DMXL2: variants seen among roughly 807,000 people sequenced by gnomAD.
DMXL2 encodes Dmx like 2, also known as dmX-like protein 2.
DMXL2 carries 103 observed loss-of-function variants against 331.1 expected under a neutral mutation model. That is an observed-to-expected ratio of 0.31 (90% CI 0.27 to 0.37). The LOEUF (loss-of-function observed/expected upper bound fraction) is 0.37, where lower values mean the gene tolerates loss of function less well. DMXL2 is among the 10% of genes least tolerant of loss of function. The probability of loss-of-function intolerance (pLI) is 1.00; values close to 1 mark genes in which losing one functional copy is unlikely to be tolerated. For synonymous variants in DMXL2, 1,281 were observed against 1,252.1 expected (o/e 1.02, Z -0.49); for missense variants, 3,171 against 3,642.9 (o/e 0.87, Z 3.33).
At chr15:51,451,554 C>T (rs1595866303) in intron 42 of DMXL2, 91 bp downstream of exon 42, 11 of 1,004,972 alleles carry the variant, frequency 1.1e-5, no homozygotes, top group East Asian at 1.0e-4. Context: ...TAAACACTCA[C>T]TGGATTCACT....
chr15:51,464,949 G>T, intron 31 of DMXL2, 73 bp from the exon 32 acceptor site: 2 of 1,285,468 alleles, frequency 1.6e-6, no homozygotes, highest in South Asian at 1.4e-5. Context: ...TATAGAATCT[G>T]AATTCTCAGA....
At chr15:51,602,070 G>C (rs1241458668) in intron 1 of DMXL2, among the ~76,000 whole-genome samples, 1 of 152,142 alleles carries the variant, frequency 6.6e-6, no homozygotes, top group Non-Finnish European at 1.5e-5. Context: ...AACATAAACA[G>C]AAAGCACAGA....
chr15:51,502,587 T>C (rs113319617), intron 17 of DMXL2, among the ~76,000 whole-genome samples: 2 of 152,140 alleles, frequency 1.3e-5, no homozygotes, highest in African/African-American at 4.8e-5. Flanking sequence ...CCTCCCAAAG[T>C]GCTGGGATTA....
intron 13 of DMXL2, among the ~76,000 whole-genome samples, chr15:51,529,132 A>G (rs1219471212): frequency 6.6e-6 from 1 of 152,158 alleles, no homozygotes; most frequent in African/African-American, 2.4e-5. Context: ...GGAAGTTTAT[A>G]GCTGTAAGTG....
chr15:51,577,429 A>T (rs150799043), intron 1 of DMXL2, among the ~76,000 whole-genome samples: 320 of 152,318 alleles, frequency 2.1e-3, no homozygotes, highest in African/African-American at 7.4e-3. Context: ...TCTTCAACCC[A>T]TGTGTTTATA....
chr15:51,449,519 T>C (rs1218207259), intron 43 of DMXL2, among the ~76,000 whole-genome samples: 3 of 152,230 alleles, frequency 2.0e-5, no homozygotes, highest in Non-Finnish European at 1.5e-5. Context: ...GTAAAAGTAG[T>C]GTGGTACAGA....
intron 13 of DMXL2, among the ~76,000 whole-genome samples, chr15:51,531,623 C>T (rs780028194): frequency 6.6e-6 from 1 of 152,258 alleles, no homozygotes; most frequent in South Asian, 2.1e-4. Flanking sequence ...AACTACTCAT[C>T]TGAAACGGGA....
chr15:51,620,094 A>G (rs2054534900), intron 1 of DMXL2, among the ~76,000 whole-genome samples: 1 of 152,044 alleles, frequency 6.6e-6, no homozygotes, highest in Non-Finnish European at 1.5e-5. Flanking sequence ...TATTATTCCT[A>G]TATTTACAAA....
chr15:51,499,139 C>A lies in DMXL2; in HGVS notation c.4085G>T (p.Arg1362Leu), dbSNP rs146965875. 3.7e-6 allele frequency: 6 copies of A among 1,614,086 alleles called. No homozygotes were observed. Among genetic ancestry groups the A allele is most frequent in the Admixed American group, 1.7e-5 (1 of 60,030 alleles). ...LLELMDLGKV[R>L]RAKAILSHLV... is the part of the protein sequence containing the mutation. The stretch of plus-strand genomic sequence containing the variant: ...ATGAGAGAGAATGGCTTTAGCCCTT[C>A]GCACTTTCCCTAAATCCATCAATTC... The change falls in exon 18 of 44, where the codon CGA becomes CTA. Residue 1362 changes from arginine to leucine, a missense_variant. Arg to Leu is a moderately radical substitution (Grantham distance 102). Around this residue, in one of 7 missense-constraint regions of DMXL2, gnomAD observed 1,674 missense variants for 1,780.2 expected, o/e 0.94. Transcript: ENST00000560891.
intron 13 of DMXL2, 102 bp downstream of exon 13, chr15:51,535,561 C>T: frequency 9.3e-7 from 1 of 1,080,286 alleles, no homozygotes; most frequent in South Asian, 1.9e-5. Context: ...AGAACATATA[C>T]TTACTCCCTA....
chr15:51,457,034 C>T (rs1252199525), intron 37 of DMXL2, among the ~76,000 whole-genome samples: 6 of 152,068 alleles, frequency 3.9e-5, no homozygotes, highest in Non-Finnish European at 2.9e-5. Context: ...TAGCCAGGCA[C>T]GCTGGCATGC....
At chr15:51,546,463 A>T (rs181205121) in intron 7 of DMXL2, among the ~76,000 whole-genome samples, 1 of 152,242 alleles carries the variant, frequency 6.6e-6, no homozygotes, top group East Asian at 1.9e-4. Flanking sequence ...CATCTCTACA[A>T]TGTGTGCTAT....
chr15:51,500,433 T>G (rs1173118459), intron 17 of DMXL2, among the ~76,000 whole-genome samples: 1 of 152,230 alleles, frequency 6.6e-6, no homozygotes, highest in African/African-American at 2.4e-5. Context: ...AGCCCATCAG[T>G]GAAATCAAGG....
chr15:51,568,192 G>T (rs1482458102), intron 3 of DMXL2: 2 of 257,022 alleles, frequency 7.8e-6, no homozygotes, highest in East Asian at 9.6e-5. Flanking sequence ...CAGGAAACCA[G>T]ATATCAGATA....
rs752214164 is a variant in DMXL2 at position 51,455,236 on chromosome 15, A to G, written c.8527-8T>C. On this transcript the variant is annotated splice_polypyrimidine_tract_variant and splice_region_variant and intron_variant, in intron 39 of 43. Transcript: ENST00000560891. ...TCCATCCGCAACACCACACTGTAAG[A>G]ACAGTATAACTACTAAACACATGTT... 5.6e-6 allele frequency: 9 copies of G among 1,611,358 alleles called. No homozygotes were observed. The highest frequency in any genetic ancestry group is 3.3e-5 in the Admixed American group (2 of 60,032).
intron 13 of DMXL2, among the ~76,000 whole-genome samples, chr15:51,532,948 T>A (rs1240532139): frequency 6.6e-6 from 1 of 152,322 alleles, no homozygotes; most frequent in Admixed American, 6.5e-5. Context: ...ACACCTAATA[T>A]ATGCATTCAG....
At chr15:51,495,726 T>C (rs2043126641) in intron 18 of DMXL2, among the ~76,000 whole-genome samples, 2 of 152,030 alleles carry the variant, frequency 1.3e-5, no homozygotes, top group South Asian at 4.1e-4. Context: ...ATGGCAAGCG[T>C]AACCAAAACT....
rs555063318 is a variant in DMXL2 at position 51,474,558 on chromosome 15, G to A, written c.6999C>T (p.Ala2333=). ...VSSLINLLSS[A]QDEDQPKLNI... ...TCAGTTTTGGCTGGTCTTCATCTTG[G>A]GCTGAACTCAAAAGATTAATAAGTG... Residue 2333 remains alanine, a synonymous_variant, in exon 28 of 44, where the codon GCC becomes GCT. Coordinates refer to ENST00000560891, the MANE Select transcript of DMXL2 (RefSeq NM_001378457.1). The A allele has an allele frequency of 1.9e-6, 3 of 1,613,900 alleles. No homozygotes were observed. The highest frequency in any genetic ancestry group is 1.7e-6 in the Non-Finnish European group (2 of 1,179,920).
In DMXL2 at chr15:51,507,281, A is replaced by C. The variant is rs2046460597; in HGVS notation, c.2645-28T>G. On this transcript the variant is annotated intron_variant, in intron 15 of 43. Transcript: ENST00000560891. ...ATTATTCAAAGGAAAAGGATATTTA[A>C]ATTAGTATGTTTTTATGGGGTTAAA... is the stretch of plus-strand genomic sequence containing the variant. 5 of 1,590,252 alleles carry C rather than the reference A, an allele frequency of 3.1e-6. No individual in the cohort carries two copies. In the African/African-American group the frequency reaches 5.4e-5, roughly 17 times the overall value.
Sources: gnomAD v4.1 joint callset for allele counts (sites outside exome capture counted in the v4.1 genomes callset) on GRCh38, gnomAD v4.1.1 for gene constraint, gnomAD v4.1.1 regional missense constraint, MANE v1.5 for transcripts, NCBI Gene and HGNC (gene_info 2026-07-23, HGNC 2026-07-21) for gene names.